The following MEI1 variants were observed in gnomAD, a reference collection of about 807,000 sequenced individuals.
MEI1 encodes the protein meiosis inhibitor protein 1.
In MEI1, 103 loss-of-function variants were observed where a neutral mutation model predicts 146.2. That is an observed-to-expected ratio of 0.70 (90% CI 0.60 to 0.83). The LOEUF is 0.83. Ranked by LOEUF, MEI1 falls within the 40% of genes least tolerant of loss-of-function variation. MEI1 has a pLI of 0.00. For missense variants in MEI1, 1,529 were observed against 1,533.0 expected (o/e 1.00, Z 0.04); for synonymous variants, 652 against 628.2 (o/e 1.04, Z -0.57).
chr22:41,798,854 G>A (rs1030531592), intron 30 of MEI1, among the ~76,000 whole-genome samples: 2 of 151,002 alleles, frequency 1.3e-5, no homozygotes, highest in Admixed American at 6.6e-5. Flanking sequence ...TCCAGCCTGG[G>A]TGGCAGAGTG....
At chr22:41,704,019 A>G (rs1454965949) in intron 2 of MEI1, among the ~76,000 whole-genome samples, 1 of 152,148 alleles carries the variant, frequency 6.6e-6, no homozygotes, top group African/African-American at 2.4e-5. Context: ...AGAGTCCAGT[A>G]TACACGGTCT....
intron 1 of MEI1, among the ~76,000 whole-genome samples, chr22:41,701,733 T>G (rs2068735920): frequency 6.6e-6 from 1 of 152,128 alleles, no homozygotes; most frequent in South Asian, 2.1e-4. Context: ...TGTAGTCAAG[T>G]GCTGTTCAGG....
chr22:41,729,278 A>T (rs1309142058), intron 7 of MEI1, among the ~76,000 whole-genome samples: 1 of 151,488 alleles, frequency 6.6e-6, no homozygotes, highest in Non-Finnish European at 1.5e-5. Context: ...GGTTGCAGTG[A>T]GCCATGAGCC....
At chr22:41,707,719 C>A (rs2069201315) in intron 3 of MEI1, among the ~76,000 whole-genome samples, 1 of 152,168 alleles carries the variant, frequency 6.6e-6, no homozygotes, top group South Asian at 2.1e-4. Flanking sequence ...GAATGGGAAG[C>A]AGACAGGAAA....
intron 4 of MEI1, 99 bp downstream of exon 4, chr22:41,714,174 A>G: frequency 8.4e-7 from 1 of 1,195,356 alleles, no homozygotes; most frequent in Non-Finnish European, 1.2e-6. Context: ...TCCAGGGAGG[A>G]AAAGGAGCTT....
intron 17 of MEI1, among the ~76,000 whole-genome samples, chr22:41,754,809 G>A (rs993880490): frequency 1.3e-5 from 2 of 152,172 alleles, no homozygotes; most frequent in Non-Finnish European, 2.9e-5. Flanking sequence ...ACAAAGCCCT[G>A]CTGTCATAAA....
At chr22:41,750,265 T>C (rs2073657987) in intron 15 of MEI1, among the ~76,000 whole-genome samples, 1 of 152,154 alleles carries the variant, frequency 6.6e-6, no homozygotes, top group Middle Eastern at 3.4e-3. Context: ...GGTACGAGCA[T>C]TTGGAGAGGT....
At position 41,766,697 on chromosome 22, in the gene MEI1, C is replaced by T. The variant is rs6002469; in HGVS notation, c.2268+3376C>T. The stretch of plus-strand genomic sequence containing the variant: ...GAGTAGCTGGTACCACAGGCATGCA[C>T]CACTGCATATGCCTGGCTAATTATT... On this transcript the variant is annotated intron_variant, in intron 19 of 30. Transcript: ENST00000401548. Among the ~76,000 whole-genome samples the T allele has an allele frequency of 1.2e-3, 179 of 152,136 alleles. 2 individuals are homozygous for T. Among genetic ancestry groups the T allele is most frequent in the African/African-American group, 4.3e-3 (177 of 41,496 alleles).
intron 19 of MEI1, among the ~76,000 whole-genome samples, chr22:41,763,636 G>A (rs2074653122): frequency 1.3e-5 from 2 of 152,020 alleles, no homozygotes; most frequent in South Asian, 4.2e-4. Flanking sequence ...GATCACTTGA[G>A]TTCGGGAGTG....
chr22:41,775,676 C>T (rs543907428), intron 20 of MEI1, among the ~76,000 whole-genome samples: 1 of 151,138 alleles, frequency 6.6e-6, no homozygotes, highest in South Asian at 2.1e-4. Context: ...TCACTGCAAG[C>T]CCCGCCTCCC....
At chr22:41,722,909 G>C (rs1012557210) in intron 6 of MEI1, among the ~76,000 whole-genome samples, 1 of 152,176 alleles carries the variant, frequency 6.6e-6, no homozygotes, top group African/African-American at 2.4e-5. Flanking sequence ...ATAAGTACCA[G>C]AATCCTTAAC....
intron 30 of MEI1, among the ~76,000 whole-genome samples, chr22:41,796,662 G>A (rs929794863): frequency 6.6e-6 from 1 of 152,218 alleles, no homozygotes; most frequent in Non-Finnish European, 1.5e-5. Context: ...GACTTCACAT[G>A]ATGAGTTGCA....
rs181346535 is a variant in MEI1 at position 41,786,295 on chromosome 22, C to G, written c.3345+1512C>G. 8.5e-5 allele frequency among the ~76,000 whole-genome samples: 13 copies of G among 152,296 alleles called. No individual in the cohort carries two copies. In the East Asian group the frequency reaches 2.5e-3, roughly 29 times the overall value. On this transcript the variant is annotated intron_variant, in intron 26 of 30. Transcript: ENST00000401548. ...TCCTGGCCTCAAGTGATCCTCTTAC[C>G]TTGGCCTCCAGAAGTGCTAGGATTA... is the stretch of plus-strand genomic sequence containing the variant.
rs753698490 is a variant in MEI1 at position 41,729,792 on chromosome 22, T to G, written c.979+13T>G. The G allele has an allele frequency of 6.4e-7, 1 of 1,555,236 alleles. No individual in the cohort carries two copies. The highest frequency in any genetic ancestry group is 8.8e-7 in the Non-Finnish European group (1 of 1,140,864). On this transcript the variant is annotated intron_variant, in intron 8 of 30. Coordinates refer to ENST00000401548, the MANE Select transcript of MEI1 (RefSeq NM_152513.4). Reference sequence around the variant, plus strand: ...GCTGACATCCCAGGTAGGGGAACACTTCTAACCTTCTCCTCCCTATACTAG... The same window carrying G: ...GCTGACATCCCAGGTAGGGGAACACGTCTAACCTTCTCCTCCCTATACTAG...
At chr22:41,783,991 A>G (rs2075857766) in intron 24 of MEI1, among the ~76,000 whole-genome samples, 2 of 152,176 alleles carry the variant, frequency 1.3e-5, no homozygotes, top group African/African-American at 4.8e-5. Flanking sequence ...CTTGAGAGCC[A>G]GGATTTTGAT....
At chr22:41,781,647 G>A (rs750081420) in intron 23 of MEI1, 38 bp from the exon 24 acceptor site, 2 of 1,603,008 alleles carry the variant, frequency 1.2e-6, no homozygotes, top group South Asian at 2.2e-5. Flanking sequence ...AAGCTCCTCT[G>A]TAACTCCTGT....
intron 30 of MEI1, among the ~76,000 whole-genome samples, chr22:41,798,964 G>A (rs1489038370): frequency 1.3e-5 from 2 of 151,902 alleles, no homozygotes; most frequent in South Asian, 2.1e-4. Context: ...AGACACTGCA[G>A]TCCAGAGATA....
chr22:41,739,929 C>T (rs760888285), intron 11 of MEI1, among the ~76,000 whole-genome samples: 4 of 151,758 alleles, frequency 2.6e-5, no homozygotes, highest in African/African-American at 7.3e-5. Context: ...TTACATGAAG[C>T]GGGTGTTGCC....
At chr22:41,736,927 T>G (rs1444980989) in intron 11 of MEI1, among the ~76,000 whole-genome samples, 1 of 152,136 alleles carries the variant, frequency 6.6e-6, no homozygotes, top group Admixed American at 6.6e-5. Context: ...ACCTTCAATC[T>G]CAATTTGTCC....
Sources: allele counts gnomAD v4.1 joint callset (sites outside exome capture counted in the v4.1 genomes callset), GRCh38; gene constraint gnomAD v4.1.1; transcripts MANE v1.5; gene names NCBI Gene and HGNC (gene_info 2026-07-23, HGNC 2026-07-21).